Variants in GLIS3 observed in about 807,000 individuals in gnomAD.
The protein encoded by GLIS3 is GLIS family zinc finger 3.
Under a neutral mutation model 78.6 loss-of-function variants are expected in GLIS3, and 53 were observed. The ratio of observed to expected loss-of-function variants is 0.67; its 90% CI spans 0.54 to 0.85. The LOEUF (loss-of-function observed/expected upper bound fraction) is 0.85, where lower values mean the gene tolerates loss of function less well. Ranked by LOEUF, GLIS3 falls within the 40% of genes least tolerant of loss-of-function variation. GLIS3 has a pLI of 0.00. For synonymous variants in GLIS3, 684 were observed against 509.9 expected (o/e 1.34, Z -4.60); for missense variants, 1,703 against 1,231.1 (o/e 1.38, Z -5.74).
At chr9:4,392,383 C>T in the GLIS3 span, among the ~76,000 whole-genome samples, 15 of 152,044 alleles carry the variant, frequency 9.9e-5, no homozygotes, top group African/African-American at 3.6e-4. Flanking sequence ...GCACATGTAT[C>T]CTGGAACTTA....
chr9:4,198,646 A>G (rs1348124417), intron 2 of GLIS3, among the ~76,000 whole-genome samples: 3 of 152,248 alleles, frequency 2.0e-5, no homozygotes, highest in Non-Finnish European at 4.4e-5. Flanking sequence ...ATTTGAGAAA[A>G]TAATTCAAGA....
chr9:4,414,369 C>G, the GLIS3 span, among the ~76,000 whole-genome samples: 1 of 152,164 alleles, frequency 6.6e-6, no homozygotes, highest in Non-Finnish European at 1.5e-5. Flanking sequence ...GTATGCAGAA[C>G]TTCAGAAATT....
chr9:4,002,695 C>G (rs1385742260), intron 4 of GLIS3, among the ~76,000 whole-genome samples: 1 of 152,202 alleles, frequency 6.6e-6, no homozygotes, highest in Non-Finnish European at 1.5e-5. Context: ...TTTCCAATCC[C>G]TCCTAGCAAC....
the GLIS3 span, among the ~76,000 whole-genome samples, chr9:4,477,458 A>G: frequency 4.9e-4 from 74 of 152,154 alleles, no homozygotes; most frequent in African/African-American, 1.7e-3. Flanking sequence ...TTTGTCACCC[A>G]GGTTGTAATG....
chr9:4,116,542 G>C (rs927234544), intron 4 of GLIS3, among the ~76,000 whole-genome samples: 2 of 152,062 alleles, frequency 1.3e-5, no homozygotes, highest in Non-Finnish European at 2.9e-5. Context: ...AATACCTACC[G>C]GGCAGTGAAA....
intron 2 of GLIS3, among the ~76,000 whole-genome samples, chr9:4,311,319 G>A (rs1012949100): frequency 9.8e-5 from 15 of 152,328 alleles, no homozygotes; most frequent in African/African-American, 3.6e-4. Flanking sequence ...TGAGGCAAAA[G>A]AATCACTTGA....
At chr9:4,278,378 G>A (rs914534292) in intron 2 of GLIS3, among the ~76,000 whole-genome samples, 2 of 152,174 alleles carry the variant, frequency 1.3e-5, no homozygotes, top group African/African-American at 4.8e-5. Flanking sequence ...AAATAAAAGT[G>A]AGCCTAGAAC....
At chr9:4,107,327 G>A (rs1452721863) in intron 4 of GLIS3, among the ~76,000 whole-genome samples, 2 of 152,088 alleles carry the variant, frequency 1.3e-5, no homozygotes, top group African/African-American at 4.8e-5. Flanking sequence ...TTTTCCAACT[G>A]CCCTTGCAGT....
intron 2 of GLIS3, among the ~76,000 whole-genome samples, chr9:4,344,873 G>C (rs577709814): frequency 2.0e-5 from 3 of 152,116 alleles, no homozygotes; most frequent in Admixed American, 1.3e-4. Flanking sequence ...ACCCATCAGC[G>C]AATCTTACTG....
chr9:4,240,505 G>C (rs767029461), intron 2 of GLIS3, among the ~76,000 whole-genome samples: 1 of 151,940 alleles, frequency 6.6e-6, no homozygotes, highest in Non-Finnish European at 1.5e-5. Flanking sequence ...CCATTCCTGA[G>C]ATTTTCTCTC....
At chr9:4,473,065 C>T in the GLIS3 span, among the ~76,000 whole-genome samples, 4 of 152,172 alleles carry the variant, frequency 2.6e-5, no homozygotes, top group African/African-American at 9.7e-5. Flanking sequence ...AACTAATTTA[C>T]ACTCCACCAA....
intron 2 of GLIS3, among the ~76,000 whole-genome samples, chr9:4,212,559 C>T (rs1820468942): frequency 6.6e-6 from 1 of 152,194 alleles, no homozygotes; most frequent in Non-Finnish European, 1.5e-5. Context: ...GGGGAAGACA[C>T]ACATGGCACA....
In GLIS3 at chr9:4,335,625, G is replaced by A. The variant is rs73386294; in HGVS notation, n.264+11456C>T. Among the ~76,000 whole-genome samples, 1,238 of 152,276 alleles carry A rather than the reference G, an allele frequency of 8.1e-3. 13 individuals carry two copies. The highest frequency in any genetic ancestry group is 0.028 in the African/African-American group (1,158 of 41,554). ...GCTTACACCTGGCATCTCACCTGTA[G>A]TACCCTAAGTAGCCCGGGGTTAAAC... On this transcript the variant is annotated intron_variant and non_coding_transcript_variant, in intron 2 of 4. Coordinates refer to the GLIS3 transcript ENST00000471664.
chr9:3,999,004 C>T (rs1012636717), intron 4 of GLIS3, among the ~76,000 whole-genome samples: 3 of 151,716 alleles, frequency 2.0e-5, no homozygotes, highest in African/African-American at 7.3e-5. Flanking sequence ...AAGTTACTTC[C>T]CTTTCTTTCT....
At position 3,867,828 on chromosome 9, in the gene GLIS3, T is replaced by A. The variant is rs921143461; in HGVS notation, c.2297+11599A>T. ...GGATTTTGGACCCCACCTCTCTTAA[T>A]CTTGAATATCTGTGGAAGTTAACCT... On this transcript the variant is annotated intron_variant, in intron 8 of 10. Coordinates refer to ENST00000381971, the MANE Select transcript of GLIS3 (RefSeq NM_001042413.2). 3.3e-5 allele frequency among the ~76,000 whole-genome samples: 5 copies of A among 152,220 alleles called. No individual in the cohort carries two copies. The East Asian group carries it at 7.7e-4, about 24-fold the overall frequency.
chr9:4,108,868 T>C (rs949222145), intron 4 of GLIS3, among the ~76,000 whole-genome samples: 4 of 152,264 alleles, frequency 2.6e-5, no homozygotes, highest in African/African-American at 9.6e-5. Context: ...CCTTCAGCTG[T>C]GCTCTCCGGT....
At chr9:4,222,648 G>T (rs1350076429) in intron 2 of GLIS3, among the ~76,000 whole-genome samples, 1 of 152,196 alleles carries the variant, frequency 6.6e-6, no homozygotes, top group South Asian at 2.1e-4. Flanking sequence ...CAAGTGTTTG[G>T]ATGTGAAGGT....
At chr9:4,484,577 C>T in the GLIS3 span, among the ~76,000 whole-genome samples, 1 of 151,952 alleles carries the variant, frequency 6.6e-6, no homozygotes, top group Non-Finnish European at 1.5e-5. Context: ...GCCACCACAC[C>T]TGGCTAATTT....
chr9:4,252,503 TCTAAC>T (rs1355868682), intron 2 of GLIS3, among the ~76,000 whole-genome samples: 2 of 152,168 alleles, frequency 1.3e-5, no homozygotes, highest in African/African-American at 2.4e-5. Context: ...AAGCAATTCC[TCTAAC>T]CTTTTTTCAA....
Sources: allele counts gnomAD v4.1 joint callset (sites outside exome capture counted in the v4.1 genomes callset), GRCh38; gene constraint gnomAD v4.1.1; transcripts MANE v1.5; gene names NCBI Gene and HGNC (gene_info 2026-07-23, HGNC 2026-07-21).